TMEM131: variants seen among roughly 807,000 people sequenced by gnomAD.
TMEM131 encodes the protein transmembrane protein 131.
TMEM131 carries 66 observed loss-of-function variants against 211.6 expected under a neutral mutation model. The ratio of observed to expected loss-of-function variants is 0.31; its 90% CI spans 0.26 to 0.38. The LOEUF is 0.38. Among genes scored for constraint, TMEM131 ranks in the 10% least tolerant of loss-of-function variants. The pLI, the probability that TMEM131 is intolerant of heterozygous loss-of-function variation, is 1.00. For missense variants in TMEM131, 2,036 were observed against 2,299.3 expected, an observed-to-expected ratio of 0.89 and a Z score of 2.34; for synonymous variants, 844 against 841.3, an observed-to-expected ratio of 1.00 and a Z score of -0.06.
Position 97,995,904 on chromosome 2 carries a change from A to C in TMEM131, c.-242T>G. 1 of 218,236 alleles carries C rather than the reference A, an allele frequency of 4.6e-6. No homozygotes were observed. The highest frequency in any genetic ancestry group is 8.8e-6 in the Non-Finnish European group (1 of 113,114). 13.5% of individuals were successfully genotyped at this position (218,236 alleles called of 1,614,324 possible). A position where few individuals can be genotyped will look rare whatever the true frequency, so the allele number is the denominator to read the frequency against. ...AGTCGGAGCGGAGAGGCCGCGGGTC[A>C]GGCGCGGCGGGCGGCCATACTGGAA... On this transcript the variant is annotated 5_prime_UTR_variant, in exon 1 of 41. It removes the in-frame stop codon of an upstream open reading frame in the 5' UTR. Coordinates refer to ENST00000186436, the MANE Select transcript of TMEM131 (RefSeq NM_015348.2).
chr2:97,938,247 A>G (rs1480284690), intron 1 of TMEM131, among the ~76,000 whole-genome samples: 2 of 152,206 alleles, frequency 1.3e-5, no homozygotes, highest in Non-Finnish European at 2.9e-5. Context: ...TTGGATAAAG[A>G]GTCAAGACCC....
rs6750288 is a variant in TMEM131 at position 97,923,937 on chromosome 2, G to A, written c.249+3489C>T. ...CTACTAAAAATACAAAAAATTAGTC[G>A]GGCTTGGTAGCGGGTGCCTGTAGTC... On this transcript the variant is annotated intron_variant, in intron 2 of 40. Coordinates refer to ENST00000186436, the MANE Select transcript of TMEM131 (RefSeq NM_015348.2). 7.8e-3 allele frequency among the ~76,000 whole-genome samples: 1,186 copies of A among 152,056 alleles called. 9 individuals are homozygous for A. Among genetic ancestry groups the A allele is most frequent in the African/African-American group, 0.024 (1,012 of 41,464 alleles).
chr2:97,929,580 GT>G (rs964941425), intron 1 of TMEM131, among the ~76,000 whole-genome samples: 1 of 151,718 alleles, frequency 6.6e-6, no homozygotes, highest in Non-Finnish European at 1.5e-5. Flanking sequence ...CTCGTTGGAT[GT>G]TTTTTCTGCC....
chr2:97,978,064 G>A lies in TMEM131; in HGVS notation c.187+17412C>T, dbSNP rs774314635. 3.3e-4 allele frequency among the ~76,000 whole-genome samples: 50 copies of A among 152,116 alleles called. 1 individual carries two copies. The highest frequency in any genetic ancestry group is 6.3e-4 in the Non-Finnish European group (43 of 68,022). On this transcript the variant is annotated intron_variant, in intron 1 of 40. Transcript: ENST00000186436. ...ACTGCGCCACTGCACTCCAGCCTGG[G>A]TGACAGAGCAAGACTCGGTCTTGGG...
At chr2:97,787,834 G>A (rs1255105464) in intron 31 of TMEM131, among the ~76,000 whole-genome samples, 1 of 152,062 alleles carries the variant, frequency 6.6e-6, no homozygotes, top group African/African-American at 2.4e-5. Flanking sequence ...CATTTCCAAG[G>A]CTGCACCTAC....
At chr2:97,765,994 A>C (rs1189811467) in intron 35 of TMEM131, 120 bp downstream of exon 35, 1 of 1,298,934 alleles carries the variant, frequency 7.7e-7, no homozygotes, top group Admixed American at 2.5e-5. Context: ...ATGGGCTCTT[A>C]GCTGGCAAAG....
Position 97,841,946 on chromosome 2 carries a change from G to A in TMEM131, c.601-9C>T, listed in dbSNP as rs996402380. Reference sequence around the variant, plus strand: ...ACTCCAACACCAAATACCTGTTTCAGTGGAGGAAAAAAATGCAATTTTAGT... The same window carrying A: ...ACTCCAACACCAAATACCTGTTTCAATGGAGGAAAAAAATGCAATTTTAGT... On this transcript the variant is annotated splice_polypyrimidine_tract_variant and intron_variant, in intron 6 of 40. Coordinates refer to ENST00000186436, the MANE Select transcript of TMEM131 (RefSeq NM_015348.2). The A allele has an allele frequency of 2.6e-6, 4 of 1,519,706 alleles. No homozygotes were observed. The Middle Eastern group carries it at 5.2e-4, about 197-fold the overall frequency. The allele number at this position is 1,519,706 out of a possible 1,614,324, so 94.1% of individuals were successfully genotyped here. A position where few individuals can be genotyped will look rare whatever the true frequency, so the allele number is the denominator to read the frequency against.
Position 97,972,842 on chromosome 2 carries a change from G to A in TMEM131, c.187+22634C>T, listed in dbSNP as rs556283555. ...CTGCTGGCTTTGAAGGCAGGGGAAG[G>A]GGCTACAAGCCAAGGAATGTAGGTG... On this transcript the variant is annotated intron_variant, in intron 1 of 40. Coordinates refer to ENST00000186436, the MANE Select transcript of TMEM131 (RefSeq NM_015348.2). Among the ~76,000 whole-genome samples the A allele has an allele frequency of 1.7e-4, 26 of 152,200 alleles. No homozygotes were observed. The East Asian group carries it at 4.4e-3, about 26-fold the overall frequency.
intron 4 of TMEM131, among the ~76,000 whole-genome samples, chr2:97,875,107 A>C (rs1465011258): frequency 1.3e-5 from 2 of 152,206 alleles, no homozygotes; most frequent in Non-Finnish European, 2.9e-5. Flanking sequence ...CAAAGATCAA[A>C]AGAGACAAAG....
intron 1 of TMEM131, among the ~76,000 whole-genome samples, chr2:97,963,959 TATAA>T (rs1678930427): frequency 6.6e-6 from 1 of 152,220 alleles, no homozygotes; most frequent in African/African-American, 2.4e-5. Flanking sequence ...ACTTCTCAAA[TATAA>T]ATGTTTTCCA....
At chr2:97,919,015 A>G (rs890290572) in intron 2 of TMEM131, among the ~76,000 whole-genome samples, 8 of 152,224 alleles carry the variant, frequency 5.3e-5, no homozygotes, top group African/African-American at 1.4e-4. Context: ...ACTGCTGACC[A>G]GAAGACTACA....
At chr2:97,882,137 GA>G (rs1241820572) in intron 4 of TMEM131, among the ~76,000 whole-genome samples, 2 of 152,096 alleles carry the variant, frequency 1.3e-5, no homozygotes, top group Non-Finnish European at 2.9e-5. Flanking sequence ...TCATTTTCTA[GA>G]GTCAGAAGTT....
chr2:97,980,967 C>T lies in TMEM131; in HGVS notation c.187+14509G>A, dbSNP rs747811372. Among the ~76,000 whole-genome samples the T allele has an allele frequency of 5.0e-4, 66 of 131,050 alleles. No homozygotes were observed. The Middle Eastern group carries it at 0.04, about 79-fold the overall frequency. The allele number at this position is 131,050 out of a possible 152,430, so 86.0% of individuals were successfully genotyped here. A position where few individuals can be genotyped will look rare whatever the true frequency, so the allele number is the denominator to read the frequency against. ...GGAGGGTAATGAAAATGTTCTGTAT[C>T]CTGACTATGGTAGTGGTTATTCAAA... On this transcript the variant is annotated intron_variant, in intron 1 of 40. Transcript: ENST00000186436.
At chr2:97,943,037 A>AAAAGAAAAGAAAGAG (rs1559464422) in intron 1 of TMEM131, among the ~76,000 whole-genome samples, 1 of 66,000 alleles carries the variant, frequency 1.5e-5, no homozygotes, top group Non-Finnish European at 3.2e-5. Context: ...AAAAGAAAAG[A>AAAAGAAAAGAAAGAG]AAAGAAAGAA....
At chr2:97,796,067 A>T (rs1207179720) in intron 28 of TMEM131, 151 bp downstream of exon 28, 1 of 491,496 alleles carries the variant, frequency 2.0e-6, no homozygotes, top group African/African-American at 2.0e-5. Context: ...GAAAACTAAG[A>T]TATGAAGAAA....
chr2:97,834,588 C>A (rs1286587241), intron 10 of TMEM131, 33 bp downstream of exon 10: 61 of 1,352,202 alleles, frequency 4.5e-5, no homozygotes, highest in Middle Eastern at 2.6e-4. Context: ...AAAAAAAAAA[C>A]TCCATAAAGA....
chr2:97,811,989 A>C (rs1681568419), intron 17 of TMEM131, among the ~76,000 whole-genome samples: 1 of 152,230 alleles, frequency 6.6e-6, no homozygotes, highest in South Asian at 2.1e-4. Context: ...ACTCACAGTG[A>C]TCAAACAATG....
At chr2:97,906,550 G>A (rs933718784) in intron 3 of TMEM131, among the ~76,000 whole-genome samples, 2 of 152,192 alleles carry the variant, frequency 1.3e-5, no homozygotes, top group African/African-American at 4.8e-5. Flanking sequence ...AGATTAAGGT[G>A]ATACAGCTTT....
chr2:97,797,665 G>C (rs1436235521), intron 25 of TMEM131, 149 bp from the exon 26 acceptor site: 1 of 636,352 alleles, frequency 1.6e-6, no homozygotes, highest in Non-Finnish European at 2.5e-6. Context: ...ATATGGGTTA[G>C]CTGGAAAGCA....
Sources: allele counts gnomAD v4.1 joint callset (sites outside exome capture counted in the v4.1 genomes callset), GRCh38; gene constraint gnomAD v4.1.1; transcripts MANE v1.5; gene names NCBI Gene and HGNC (gene_info 2026-07-23, HGNC 2026-07-21).